IL10RB: variants seen among roughly 807,000 people sequenced by gnomAD.
IL10RB encodes interleukin-10 receptor subunit beta.
In IL10RB, 30 loss-of-function variants were observed where a neutral mutation model predicts 38.7. The observed-to-expected ratio is 0.78, with a 90% CI of 0.58 to 1.05. IL10RB has a LOEUF of 1.05. Among genes scored for constraint, IL10RB ranks in the 50% least tolerant of loss-of-function variants. The pLI is 0.00. For synonymous variants in IL10RB, 142 were observed against 145.9 expected (o/e 0.97, Z 0.19); for missense variants, 328 against 397.1 (o/e 0.83, Z 1.48).
intron 2 of IL10RB, among the ~76,000 whole-genome samples, chr21:33,269,652 T>A (rs1226370618): frequency 8.3e-6 from 1 of 119,992 alleles, no homozygotes; most frequent in Non-Finnish European, 1.8e-5. Flanking sequence ...GATTCACCAA[T>A]TTTTTTTTTT....
Position 33,288,269 on chromosome 21 carries a change from G to A in IL10RB, c.804+8G>A, listed in dbSNP as rs112943706. The A allele has an allele frequency of 2.4e-5, 38 of 1,613,050 alleles. No individual in the cohort carries two copies. In the African/African-American group the frequency reaches 3.5e-4, roughly 15 times the overall value. On this transcript the variant is annotated splice_region_variant and intron_variant, in intron 6 of 6. Transcript: ENST00000290200. ...CCACAGCACCTGAAAGAGGTAGGTA[G>A]GATGGAGTGAGATGTGGATTTGAAA... is the stretch of plus-strand genomic sequence containing the variant.
chr21:33,266,502 C>T lies in IL10RB; in HGVS notation c.37C>T (p.Leu13=). Residue 13 remains leucine (L), a synonymous_variant, in exon 1 of 7, where the codon CTG becomes TTG. Transcript: ENST00000290200. ...WSLGSWLGGC[L]LVSALGMVPP... ...CCTTGGGAGCTGGCTGGGTGGCTGC[C>T]TGCTGGTGTCAGGTGAGGGGTCCGC... is the stretch of plus-strand genomic sequence containing the variant. 1 of 1,543,118 alleles carries T rather than the reference C, an allele frequency of 6.5e-7. No individual in the cohort carries two copies. Among genetic ancestry groups the T allele is most frequent in the South Asian group, 1.2e-5 (1 of 84,100 alleles).
chr21:33,289,392 C>G (rs1469371945), intron 6 of IL10RB, among the ~76,000 whole-genome samples: 4 of 152,020 alleles, frequency 2.6e-5, no homozygotes, highest in African/African-American at 9.7e-5. Context: ...ACCGCTGCTG[C>G]TGGTGTCGGG....
Position 33,279,617 on chromosome 21 carries a change from A to T in IL10RB, c.332-135A>T, listed in dbSNP as rs374953738. ...TCCAACTACCCTTCTTAGCCATGTC[A>T]ATCAATGTCATGACAATAGTATATC... On this transcript the variant is annotated intron_variant, in intron 3 of 6. Transcript: ENST00000290200. 47 of 776,918 alleles carry T rather than the reference A, an allele frequency of 6.0e-5. 1 individual carries two copies. The highest frequency in any genetic ancestry group is 3.0e-4 in the Admixed American group (16 of 53,726). The allele number at this position is 776,918 out of a possible 1,614,324, so 48.1% of individuals were successfully genotyped here.
At chr21:33,291,910 G>A (rs1037783562) in intron 6 of IL10RB, among the ~76,000 whole-genome samples, 9 of 152,214 alleles carry the variant, frequency 5.9e-5, no homozygotes, top group East Asian at 3.9e-4. Flanking sequence ...TCAGGCCCAC[G>A]CGCAGCCTCC....
chr21:33,303,632 G>A (rs924704543), intron 1 of IL10RB, among the ~76,000 whole-genome samples: 1 of 152,132 alleles, frequency 6.6e-6, no homozygotes, highest in Non-Finnish European at 1.5e-5. Context: ...TGGGATTACA[G>A]GTGTTTCTGT....
Position 33,282,183 on chromosome 21 carries a change from C to T in IL10RB, c.499-911C>T, listed in dbSNP as rs553275063. Among the ~76,000 whole-genome samples, 10 of 152,226 alleles carry T rather than the reference C, an allele frequency of 6.6e-5. 1 individual carries two copies. The South Asian group carries it at 1.9e-3, about 28-fold the overall frequency. ...TTATTGACCTCCATGGGCTTAGCTC[C>T]TCATGCAGTAGAGGCATATAGGCAT... is the stretch of plus-strand genomic sequence containing the variant. On this transcript the variant is annotated intron_variant, in intron 4 of 6. Transcript: ENST00000290200.
chr21:33,307,388 A>G (rs1440142690), intron 1 of IL10RB, among the ~76,000 whole-genome samples: 1 of 152,062 alleles, frequency 6.6e-6, no homozygotes, highest in African/African-American at 2.4e-5. Flanking sequence ...GACTCTTTGG[A>G]GTATGTACCC....
chr21:33,270,965 A>G (rs1989069031), intron 2 of IL10RB, among the ~76,000 whole-genome samples: 1 of 152,120 alleles, frequency 6.6e-6, no homozygotes, highest in African/African-American at 2.4e-5. Context: ...GTGAGCTACC[A>G]CACCCAGCCC....
chr21:33,306,580 T>G (rs2082999350), intron 1 of IL10RB, among the ~76,000 whole-genome samples: 1 of 152,132 alleles, frequency 6.6e-6, no homozygotes, highest in Non-Finnish European at 1.5e-5. Context: ...TGGGGTTGTT[T>G]GGAGTGCAGT....
intron 5 of IL10RB, among the ~76,000 whole-genome samples, chr21:33,286,957 G>A (rs1182224096): frequency 6.6e-6 from 1 of 152,156 alleles, no homozygotes; most frequent in Non-Finnish European, 1.5e-5. Context: ...CAGCTAAGGG[G>A]ATGGGTCAGT....
rs556246772 is a variant in IL10RB, at chr21:33,284,565, G to T, written c.646+1324G>T. Reference sequence around the variant, plus strand: ...CAGAGAGTGATGCACTTTGGATGTTGCCCTCATCCAGATCTCACGCTGAAA... The same window carrying T: ...CAGAGAGTGATGCACTTTGGATGTTTCCCTCATCCAGATCTCACGCTGAAA... On this transcript the variant is annotated intron_variant, in intron 5 of 6. Coordinates refer to ENST00000290200, the MANE Select transcript of IL10RB (RefSeq NM_000628.5). 3.2e-4 allele frequency among the ~76,000 whole-genome samples: 49 copies of T among 152,234 alleles called. 1 individual carries two copies. The highest frequency in any genetic ancestry group is 1.1e-3 in the African/African-American group (44 of 41,550).
chr21:33,271,661 G>A (rs1270072285), intron 2 of IL10RB, among the ~76,000 whole-genome samples: 1 of 151,714 alleles, frequency 6.6e-6, no homozygotes, highest in Non-Finnish European at 1.5e-5. Flanking sequence ...CCAGGAGGCA[G>A]AGATTGCAGC....
intron 6 of IL10RB, 100 bp downstream of exon 6, chr21:33,288,361 G>T: frequency 1.0e-6 from 1 of 966,210 alleles, no homozygotes. Context: ...TGTTTTCCAG[G>T]AAAACACACA....
chr21:33,291,908 A>G (rs1218423302), intron 6 of IL10RB, among the ~76,000 whole-genome samples: 2 of 152,180 alleles, frequency 1.3e-5, no homozygotes, highest in Admixed American at 6.5e-5. Flanking sequence ...TTTCAGGCCC[A>G]CGCGCAGCCT....
At chr21:33,304,698 G>A (rs1221880029) in intron 1 of IL10RB, among the ~76,000 whole-genome samples, 1 of 152,160 alleles carries the variant, frequency 6.6e-6, no homozygotes, top group African/African-American at 2.4e-5. Flanking sequence ...AGTAGCAGAC[G>A]CCTCATCATT....
At chr21:33,306,367 C>T (rs1354199975) in intron 1 of IL10RB, among the ~76,000 whole-genome samples, 2 of 152,148 alleles carry the variant, frequency 1.3e-5, no homozygotes, top group African/African-American at 4.8e-5. Context: ...TCATGTGTAT[C>T]AGATTTGTAA....
At chr21:33,269,285 C>T (rs1389825116) in intron 2 of IL10RB, among the ~76,000 whole-genome samples, 3 of 152,240 alleles carry the variant, frequency 2.0e-5, no homozygotes, top group Non-Finnish European at 4.4e-5. Flanking sequence ...CAGCCTGCCA[C>T]CATACGCCAC....
chr21:33,281,545 C>A (rs2849999), intron 4 of IL10RB, among the ~76,000 whole-genome samples: 72,926 of 152,012 alleles, frequency 0.48, 18,209 homozygotes, highest in African/African-American at 0.62. Flanking sequence ...CTGCACTGCT[C>A]CTCTCACAGG....
Sources: gnomAD v4.1 joint callset for allele counts (sites outside exome capture counted in the v4.1 genomes callset) on GRCh38, gnomAD v4.1.1 for gene constraint, MANE v1.5 for transcripts, NCBI Gene and HGNC (gene_info 2026-07-23, HGNC 2026-07-21) for gene names.